BMPR1B: variants seen among roughly 807,000 people sequenced by gnomAD.
BMPR1B encodes the protein bone morphogenetic protein receptor type-1B.
A neutral mutation model predicts 59.1 loss-of-function variants in BMPR1B; 12 were observed. That is an observed-to-expected ratio of 0.20 (90% CI 0.13 to 0.33). The LOEUF is 0.33. Ranked by LOEUF, BMPR1B falls within the 10% of genes least tolerant of loss-of-function variation. The pLI is 1.00. For synonymous variants in BMPR1B, 237 were observed against 207.3 expected (o/e 1.14, Z -1.23); for missense variants, 550 against 610.9 (o/e 0.90, Z 1.05).
intron 1 of BMPR1B, among the ~76,000 whole-genome samples, chr4:94,797,011 C>T (rs1478460283): frequency 6.6e-6 from 1 of 152,132 alleles, no homozygotes; most frequent in Non-Finnish European, 1.5e-5. Flanking sequence ...CTGATAAAGA[C>T]ATACATAAGA....
At chr4:95,095,254 T>A (rs550012840) in intron 3 of BMPR1B, among the ~76,000 whole-genome samples, 56 of 152,228 alleles carry the variant, frequency 3.7e-4, no homozygotes, top group African/African-American at 1.2e-3. Context: ...CACAAAGTTA[T>A]TTTAAAAATT....
chr4:94,864,025 A>T (rs1219164266), intron 1 of BMPR1B, among the ~76,000 whole-genome samples: 5 of 152,246 alleles, frequency 3.3e-5, no homozygotes, highest in Non-Finnish European at 7.3e-5. Context: ...AATAGACATG[A>T]TGAATTTTAA....
intron 2 of BMPR1B, among the ~76,000 whole-genome samples, chr4:94,905,608 T>C (rs764815368): frequency 2.5e-4 from 38 of 151,988 alleles, no homozygotes; most frequent in Non-Finnish European, 5.2e-4. Flanking sequence ...AATTTCATTA[T>C]GTATTGTACC....
intron 2 of BMPR1B, among the ~76,000 whole-genome samples, chr4:94,914,728 CATA>C (rs1728418532): frequency 6.6e-6 from 1 of 151,996 alleles, no homozygotes; most frequent in Non-Finnish European, 1.5e-5. Context: ...TGGTGGTGAT[CATA>C]ATATTCAGGA....
At chr4:95,147,192 T>C (rs1053785746) in intron 10 of BMPR1B, among the ~76,000 whole-genome samples, 4 of 152,180 alleles carry the variant, frequency 2.6e-5, no homozygotes, top group Non-Finnish European at 4.4e-5. Flanking sequence ...TCTGTTGATA[T>C]GTCATCTTAT....
intron 10 of BMPR1B, among the ~76,000 whole-genome samples, chr4:95,136,748 G>A (rs1439087000): frequency 6.6e-6 from 1 of 151,898 alleles, no homozygotes; most frequent in African/African-American, 2.4e-5. Flanking sequence ...TGGGATCGGT[G>A]GTGATATCCC....
chr4:94,892,380 G>A (rs1444538957), intron 2 of BMPR1B, among the ~76,000 whole-genome samples: 1 of 151,988 alleles, frequency 6.6e-6, no homozygotes, highest in Non-Finnish European at 1.5e-5. Context: ...AAAGTTAGAG[G>A]AGCTTTAATA....
intron 1 of BMPR1B, among the ~76,000 whole-genome samples, chr4:94,772,217 C>T: frequency 6.6e-6 from 1 of 152,166 alleles, no homozygotes; most frequent in East Asian, 1.9e-4. Context: ...TCATCATCTG[C>T]CAGCCAGCCA....
chr4:94,853,042 G>C (rs577223377), intron 1 of BMPR1B, among the ~76,000 whole-genome samples: 1 of 152,186 alleles, frequency 6.6e-6, no homozygotes, highest in East Asian at 1.9e-4. Context: ...TGGATTCGTG[G>C]TCCCCAGCCT....
At chr4:94,987,770 G>A (rs1470650947) in intron 2 of BMPR1B, among the ~76,000 whole-genome samples, 1 of 151,300 alleles carries the variant, frequency 6.6e-6, no homozygotes, top group Non-Finnish European at 1.5e-5. Flanking sequence ...TTTTTTTCTA[G>A]ACATAACTAT....
chr4:94,928,570 G>C (rs932971162), intron 2 of BMPR1B, among the ~76,000 whole-genome samples: 3 of 150,972 alleles, frequency 2.0e-5, no homozygotes, highest in Non-Finnish European at 4.4e-5. Flanking sequence ...TAAGTGGAAG[G>C]CTGGGTTGTT....
intron 6 of BMPR1B, among the ~76,000 whole-genome samples, chr4:95,123,178 A>C (rs1340358398): frequency 2.0e-5 from 3 of 152,174 alleles, no homozygotes; most frequent in African/African-American, 4.8e-5. Flanking sequence ...TGTTGTATAA[A>C]AGTATCATAC....
chr4:95,004,374 C>T (rs1229037243), intron 3 of BMPR1B, among the ~76,000 whole-genome samples: 1 of 152,046 alleles, frequency 6.6e-6, no homozygotes, highest in Non-Finnish European at 1.5e-5. Flanking sequence ...TAGCCCTGCC[C>T]TAGAACATTT....
intron 1 of BMPR1B, among the ~76,000 whole-genome samples, chr4:94,823,572 G>A (rs543061482): frequency 6.6e-6 from 1 of 152,180 alleles, no homozygotes; most frequent in South Asian, 2.1e-4. Flanking sequence ...AAAGAACCAG[G>A]ATTGCATACT....
In BMPR1B at chr4:94,978,938, T is replaced by C. The variant is rs572989444; in HGVS notation, c.-112-17102T>C. 1.7e-4 allele frequency among the ~76,000 whole-genome samples: 22 copies of C among 130,314 alleles called. No homozygotes were observed. In the South Asian group the frequency reaches 5.1e-3, roughly 30 times the overall value. 85.5% of individuals were successfully genotyped at this position (130,314 alleles called of 152,430 possible). On this transcript the variant is annotated intron_variant, in intron 2 of 12. Transcript: ENST00000515059. ...TACATGGTGGCAGAGCAAGACACCATCACACATACATACACACACACACAC... is the reference window on the plus strand; with the variant it reads ...TACATGGTGGCAGAGCAAGACACCACCACACATACATACACACACACACAC...
intron 3 of BMPR1B, among the ~76,000 whole-genome samples, chr4:95,081,543 G>A (rs573687893): frequency 6.6e-6 from 1 of 152,240 alleles, no homozygotes; most frequent in Non-Finnish European, 1.5e-5. Context: ...TAACTGAGTG[G>A]ACCAAACATT....
At chr4:94,970,426 C>T (rs1730745418) in intron 2 of BMPR1B, among the ~76,000 whole-genome samples, 1 of 152,046 alleles carries the variant, frequency 6.6e-6, no homozygotes, top group Non-Finnish European at 1.5e-5. Context: ...AGCTATTCTC[C>T]TGCCTCAGCC....
intron 1 of BMPR1B, among the ~76,000 whole-genome samples, chr4:94,824,621 A>G (rs1724320487): frequency 6.6e-6 from 1 of 152,242 alleles, no homozygotes; most frequent in South Asian, 2.1e-4. Context: ...TGACATTTAG[A>G]GAATTAATTT....
chr4:94,904,346 T>G (rs546691824), intron 2 of BMPR1B, among the ~76,000 whole-genome samples: 2 of 152,174 alleles, frequency 1.3e-5, no homozygotes, highest in African/African-American at 4.8e-5. Context: ...TCAGGCACTT[T>G]GCCCTTTCAG....
Sources: allele counts gnomAD v4.1 joint callset (sites outside exome capture counted in the v4.1 genomes callset), GRCh38; gene constraint gnomAD v4.1.1; transcripts MANE v1.5; gene names NCBI Gene and HGNC (gene_info 2026-07-23, HGNC 2026-07-21).